The following SCN11A variants were observed in gnomAD, a reference collection of about 807,000 sequenced individuals.
SCN11A encodes sodium channel protein type 11 subunit alpha.
A neutral mutation model predicts 162.2 loss-of-function variants in SCN11A; 122 were observed. The observed-to-expected ratio is 0.75, with a 90% CI of 0.65 to 0.87. The LOEUF (loss-of-function observed/expected upper bound fraction) is 0.87. SCN11A is among the 40% of genes least tolerant of loss of function. SCN11A has a pLI of 0.00. For synonymous variants in SCN11A, 758 were observed against 751.5 expected, an observed-to-expected ratio of 1.01 and a Z score of -0.14; for missense variants, 2,015 against 2,181.6, an observed-to-expected ratio of 0.92 and a Z score of 1.52.
chr3:38,952,783 A>G (rs180778972), intron 4 of SCN11A, among the ~76,000 whole-genome samples: 1 of 152,340 alleles, frequency 6.6e-6, no homozygotes, highest in East Asian at 1.9e-4. Context: ...GGACACTAGG[A>G]TGCTCCAGGG....
intron 29 of SCN11A, chr3:38,850,180 G>T: frequency 3.6e-6 from 1 of 280,708 alleles, no homozygotes; most frequent in Non-Finnish European, 6.6e-6. Flanking sequence ...GAATAAATCA[G>T]GTTACCACCA....
chr3:38,958,573 A>C (rs1013909754), intron 3 of SCN11A, among the ~76,000 whole-genome samples: 1 of 152,224 alleles, frequency 6.6e-6, no homozygotes, highest in African/African-American at 2.4e-5. Context: ...TACAATTTAG[A>C]AATCAGGAAA....
chr3:39,022,019 A>G (rs1443376022), intron 2 of SCN11A, among the ~76,000 whole-genome samples: 5 of 152,098 alleles, frequency 3.3e-5, no homozygotes, highest in Non-Finnish European at 5.9e-5. Flanking sequence ...AGACTCCACC[A>G]CAGATATCAA....
intron 7 of SCN11A, among the ~76,000 whole-genome samples, chr3:38,934,544 A>C (rs1384612313): frequency 1.3e-5 from 2 of 152,180 alleles, no homozygotes; most frequent in Non-Finnish European, 2.9e-5. Flanking sequence ...TCTACCAAGC[A>C]AATGGAAAAC....
At chr3:38,861,652 A>G (rs1032482255) in intron 28 of SCN11A, among the ~76,000 whole-genome samples, 3 of 152,114 alleles carry the variant, frequency 2.0e-5, no homozygotes, top group African/African-American at 7.2e-5. Flanking sequence ...AGGACACCCT[A>G]TCCCACAAAT....
intron 2 of SCN11A, among the ~76,000 whole-genome samples, chr3:38,995,310 C>A (rs1335294618): frequency 6.6e-6 from 1 of 152,038 alleles, no homozygotes; most frequent in Non-Finnish European, 1.5e-5. Context: ...TTAGTAGAGA[C>A]AGGGTTTCAC....
intron 26 of SCN11A, among the ~76,000 whole-genome samples, chr3:38,870,369 TGGA>T (rs2065105785): frequency 6.6e-6 from 1 of 152,212 alleles, no homozygotes; most frequent in Admixed American, 6.5e-5. Flanking sequence ...TCCAACCATT[TGGA>T]GAAGAGGGAA....
intron 26 of SCN11A, among the ~76,000 whole-genome samples, chr3:38,869,366 A>T (rs953969602): frequency 2.6e-5 from 4 of 152,178 alleles, no homozygotes; most frequent in African/African-American, 9.7e-5. Context: ...GTATTTTTAA[A>T]ATATTTCCTT....
intron 19 of SCN11A, among the ~76,000 whole-genome samples, chr3:38,891,092 T>C: frequency 6.6e-6 from 1 of 151,946 alleles, no homozygotes; most frequent in Non-Finnish European, 1.5e-5. Flanking sequence ...TCAGAGCTAA[T>C]AGAAAAAGAA....
At chr3:39,048,269 A>G (rs2032232953) in intron 1 of SCN11A, among the ~76,000 whole-genome samples, 1 of 152,252 alleles carries the variant, frequency 6.6e-6, no homozygotes, top group Non-Finnish European at 1.5e-5. Context: ...CCAGGCACAG[A>G]AAGATAAATA....
intron 2 of SCN11A, among the ~76,000 whole-genome samples, chr3:38,967,835 A>G (rs886191657): frequency 4.6e-5 from 7 of 152,214 alleles, no homozygotes; most frequent in Non-Finnish European, 1.0e-4. Context: ...CAAAGGCATC[A>G]ACGCCCAACT....
chr3:38,871,260 G>A (rs1000490650), intron 25 of SCN11A, among the ~76,000 whole-genome samples, 185 bp downstream of exon 25: 3 of 151,800 alleles, frequency 2.0e-5, no homozygotes, highest in African/African-American at 7.3e-5. Context: ...CTGAGGCTCA[G>A]CAGTCAATGA....
chr3:38,883,101 C>T lies in SCN11A; in HGVS notation c.3219+132G>A, dbSNP rs149618927. 89 of 737,588 alleles carry T rather than the reference C, an allele frequency of 1.2e-4. No individual in the cohort carries two copies. The Admixed American group carries it at 1.3e-3, about 10-fold the overall frequency. The allele number at this position is 737,588 out of a possible 1,614,324, so 45.7% of individuals were successfully genotyped here. A position where few individuals can be genotyped will look rare whatever the true frequency, so the allele number is the denominator to read the frequency against. ...AAGCTGTGCAAAACCCTGCCCACTG[C>T]GGGAACCAGCAGCATCAGAGACCAC... On this transcript the variant is annotated intron_variant, in intron 22 of 29. Coordinates refer to ENST00000302328, the MANE Select transcript of SCN11A (RefSeq NM_001349253.2).
At chr3:38,870,547 T>C (rs2126095131) in intron 26 of SCN11A, 144 bp downstream of exon 26, 2 of 622,484 alleles carry the variant, frequency 3.2e-6, no homozygotes, top group East Asian at 2.7e-5. Context: ...TAGGCAGTGG[T>C]ATCTCATAGT....
intron 28 of SCN11A, among the ~76,000 whole-genome samples, chr3:38,860,972 G>C (rs1466789233): frequency 6.6e-6 from 1 of 152,090 alleles, no homozygotes; most frequent in East Asian, 1.9e-4. Flanking sequence ...CCAAGGCTAT[G>C]ACTGTATACT....
Position 38,866,498 on chromosome 3 carries a change from G to A in SCN11A, c.3951+823C>T, listed in dbSNP as rs541453616. On this transcript the variant is annotated intron_variant, in intron 27 of 29. Coordinates refer to ENST00000302328, the MANE Select transcript of SCN11A (RefSeq NM_001349253.2). ...GCCTCCCAAAGTGCTGGGATTACAC[G>A]CATGAGCCACCACGCCCTGCCAGAG... 7.3e-4 allele frequency among the ~76,000 whole-genome samples: 111 copies of A among 152,326 alleles called. 1 individual carries two copies. Among genetic ancestry groups the A allele is most frequent in the Non-Finnish European group, 8.7e-4 (59 of 68,036 alleles).
At chr3:38,915,417 T>C (rs1371259928) in intron 11 of SCN11A, among the ~76,000 whole-genome samples, 1 of 152,158 alleles carries the variant, frequency 6.6e-6, no homozygotes, top group Non-Finnish European at 1.5e-5. Context: ...AAGTTATTTC[T>C]AAGTTTTTGA....
intron 6 of SCN11A, among the ~76,000 whole-genome samples, chr3:38,945,734 C>A (rs368000508): frequency 6.6e-6 from 1 of 152,216 alleles, no homozygotes; most frequent in Non-Finnish European, 1.5e-5. Context: ...CCCCCTTCTA[C>A]ATGTCTGACT....
In SCN11A at chr3:38,919,243, C is replaced by T. The variant is rs575141942; in HGVS notation, c.959+692G>A. Among the ~76,000 whole-genome samples the T allele has an allele frequency of 8.3e-4, 127 of 152,296 alleles. 2 individuals carry two copies. Among genetic ancestry groups the T allele is most frequent in the South Asian group, 2.1e-3 (10 of 4,822 alleles). The stretch of plus-strand genomic sequence containing the variant: ...CATCAAATCCAAAAACGTGGAGCTG[C>T]CTTGTTCACAATTGCATTCCTTGAG... On this transcript the variant is annotated intron_variant, in intron 11 of 29. Transcript: ENST00000302328.
Sources: gnomAD v4.1 joint callset for allele counts (sites outside exome capture counted in the v4.1 genomes callset) on GRCh38, gnomAD v4.1.1 for gene constraint, MANE v1.5 for transcripts, NCBI Gene and HGNC (gene_info 2026-07-23, HGNC 2026-07-21) for gene names.